The following NCKAP5L variants were observed in gnomAD, a reference collection of about 807,000 sequenced individuals.
The protein encoded by NCKAP5L is nck-associated protein 5-like.
Under a neutral mutation model 103.2 loss-of-function variants are expected in NCKAP5L, and 54 were observed. The ratio of observed to expected loss-of-function variants is 0.52; its 90% CI spans 0.42 to 0.66. NCKAP5L has a LOEUF of 0.66. Ranked by LOEUF, NCKAP5L falls within the 30% of genes least tolerant of loss-of-function variation. The pLI, the probability that NCKAP5L is intolerant of heterozygous loss-of-function variation, is 0.00. For missense variants in NCKAP5L, 1,733 were observed against 1,750.6 expected (o/e 0.99, Z 0.18); for synonymous variants, 762 against 748.6 (o/e 1.02, Z -0.29).
chr12:49,791,532 A>T lies in NCKAP5L; in HGVS notation c.*307T>A. Reference sequence around the variant, plus strand: ...GAAGCCCAGCACCACAAGATGGCTCAGCCTGAAGTAGGGACTGGAGGGCTG... The same window carrying T: ...GAAGCCCAGCACCACAAGATGGCTCTGCCTGAAGTAGGGACTGGAGGGCTG... On this transcript the variant is annotated 3_prime_UTR_variant, in exon 13 of 13. Transcript: ENST00000335999. 1 of 256,976 alleles carries T rather than the reference A, an allele frequency of 3.9e-6. No individual in the cohort carries two copies. Among genetic ancestry groups the T allele is most frequent in the Non-Finnish European group, 7.4e-6 (1 of 135,808 alleles). 15.9% of individuals were successfully genotyped at this position (256,976 alleles called of 1,614,324 possible).
intron 6 of NCKAP5L, among the ~76,000 whole-genome samples, chr12:49,799,990 G>T (rs2137008168): frequency 6.6e-6 from 1 of 152,318 alleles, no homozygotes; most frequent in South Asian, 2.1e-4. Context: ...GATGTCAGGA[G>T]TTCGAGACCA....
Position 49,797,314 on chromosome 12 carries a change from C to T in NCKAP5L, c.546G>A (p.Pro182=), listed in dbSNP as rs764740435. 6 of 1,612,986 alleles carry T rather than the reference C, an allele frequency of 3.7e-6. No homozygotes were observed. The Admixed American group carries it at 5.0e-5, about 13-fold the overall frequency. Residue 182 remains proline, a synonymous_variant, in exon 8 of 13, where the codon CCG becomes CCA. Coordinates refer to ENST00000335999, the MANE Select transcript of NCKAP5L (RefSeq NM_001037806.4). This position sits in a 1 kb window ranked among gnomAD's most constrained non-coding sequence, Gnocchi z 4.5. The part of the protein sequence containing the change: ...APPPALDALS[P]FLRKKAQILE... ...GAATCTGGGCCTTCTTCCGAAGGAA[C>T]GGGGATAGGGCATCCAGCGCTGGGG...
chr12:49,803,969 C>A lies in NCKAP5L; in HGVS notation c.76G>T (p.Glu26Ter). Residue 26 changes from glutamate (E) to a stop codon, truncating the protein, a stop_gained, in exon 3 of 13, where the codon GAG becomes TAG. Coordinates refer to ENST00000335999, the MANE Select transcript of NCKAP5L (RefSeq NM_001037806.4). LOFTEE classifies it high-confidence loss of function. ...AGAAGCTCCTGGCAGGTGCCTGGCT[C>A]CATGCTGCCATCATCACCCTCTCCT... ...RPGEGDDGSM[E>*]PGTCQELLHR... 1 of 1,612,004 alleles carries A rather than the reference C, an allele frequency of 6.2e-7. No homozygotes were observed. Among genetic ancestry groups the A allele is most frequent in the Non-Finnish European group, 8.5e-7 (1 of 1,179,984 alleles).
intron 1 of NCKAP5L, among the ~76,000 whole-genome samples, chr12:49,826,930 T>C (rs572928400): frequency 3.2e-4 from 49 of 152,220 alleles, no homozygotes; most frequent in African/African-American, 1.1e-3. Flanking sequence ...GCACAGACCA[T>C]AGACTTTGAA....
intron 8 of NCKAP5L, among the ~76,000 whole-genome samples, 152 bp from the exon 9 acceptor site, chr12:49,794,048 C>T (rs1251705893): frequency 1.3e-5 from 2 of 152,198 alleles, no homozygotes; most frequent in Non-Finnish European, 1.5e-5. Context: ...CTCCCAACAC[C>T]CTTCTTGACA....
intron 3 of NCKAP5L, 108 bp from the exon 4 acceptor site, chr12:49,803,273 A>C: frequency 9.9e-7 from 1 of 1,007,564 alleles, no homozygotes; most frequent in Non-Finnish European, 1.5e-6. Context: ...GGTGCTAACT[A>C]TACCCCCACT....
In NCKAP5L at chr12:49,795,828, C is replaced by A; in HGVS notation, c.2032G>T (p.Ala678Ser). The change falls in exon 8 of 13, where the codon GCC (alanine) becomes TCC (serine). Residue 678 changes from alanine (A) to serine (S), a missense_variant. Physicochemically the swap from Ala to Ser is moderately conservative, Grantham distance 99. Coordinates refer to ENST00000335999, the MANE Select transcript of NCKAP5L (RefSeq NM_001037806.4). Reference sequence around the variant, plus strand: ...ACCCCATTCTTCTCTGAGCCCAGGGCCCCCTCGGGGCCTGTCTTCAGCTTC... The same window carrying A: ...ACCCCATTCTTCTCTGAGCCCAGGGACCCCTCGGGGCCTGTCTTCAGCTTC... ...LGKLKTGPEGALGSEKNGVPA... is the reference protein window; with the variant it reads ...LGKLKTGPEGSLGSEKNGVPA... 1.9e-6 allele frequency: 3 copies of A among 1,567,006 alleles called. No homozygotes were observed. In the South Asian group the frequency reaches 3.5e-5, roughly 18 times the overall value.
chr12:49,827,589 C>G (rs1030400945), intron 1 of NCKAP5L, among the ~76,000 whole-genome samples: 1 of 152,222 alleles, frequency 6.6e-6, no homozygotes, highest in Non-Finnish European at 1.5e-5. Flanking sequence ...CAGATGAATT[C>G]TCTGCATTCT....
Position 49,795,067 on chromosome 12 carries a change from C to T in NCKAP5L, c.2793G>A (p.Leu931=), listed in dbSNP as rs768727317. The T allele has an allele frequency of 6.2e-7, 1 of 1,611,504 alleles. No homozygotes were observed. The highest frequency in any genetic ancestry group is 1.7e-5 in the Admixed American group (1 of 59,734). The change falls in exon 8 of 13, where the codon CTG becomes CTA. Residue 931 remains leucine (L), a synonymous_variant. Coordinates refer to ENST00000335999, the MANE Select transcript of NCKAP5L (RefSeq NM_001037806.4). ...FGLKKSKLPA[L]NRRTEATKNK... The stretch of plus-strand genomic sequence containing the variant: ...TCTTGGTGGCCTCTGTGCGGCGGTT[C>T]AGCGCTGGCAGCTTGCTCTTCTTAA...
In NCKAP5L at chr12:49,797,120, C is replaced by A. The variant is rs113640486; in HGVS notation, c.740G>T (p.Gly247Val). 1 of 1,599,632 alleles carries A rather than the reference C, an allele frequency of 6.3e-7. No individual in the cohort carries two copies. Among genetic ancestry groups the A allele is most frequent in the Non-Finnish European group, 8.5e-7 (1 of 1,173,470 alleles). Residue 247 changes from glycine to valine, a missense_variant, in exon 8 of 13, where the codon GGC (glycine) becomes GTC (valine). Transcript: ENST00000335999. This position sits in a 1 kb window ranked among gnomAD's most constrained non-coding sequence, Gnocchi z 4.5. ...CAGCAGGCCTCCCAGGTTGCCAGGG[C>A]CTAGCAGCAGGCAGGGCGCCCAGGG... The part of the protein sequence containing the change: ...PSPWAPCLLL[G>V]PGNLGGLLHW...
chr12:49,798,334 T>C lies in NCKAP5L; in HGVS notation c.465+16A>G. On this transcript the variant is annotated intron_variant, in intron 7 of 12. Coordinates refer to ENST00000335999, the MANE Select transcript of NCKAP5L (RefSeq NM_001037806.4). The stretch of plus-strand genomic sequence containing the variant: ...AACATCAGTGGAGTACTGACCACAA[T>C]ACCTAGCCCTCCTACCTCTCTCTGC... The C allele has an allele frequency of 6.5e-7, 1 of 1,543,352 alleles. No individual in the cohort carries two copies. The highest frequency in any genetic ancestry group is 2.4e-5 in the East Asian group (1 of 41,040).
Position 49,796,591 on chromosome 12 carries a change from G to A in NCKAP5L, c.1269C>T (p.His423=). Residue 423 remains histidine, a synonymous_variant, in exon 8 of 13, where the codon CAC becomes CAT. Coordinates refer to ENST00000335999, the MANE Select transcript of NCKAP5L (RefSeq NM_001037806.4). Reference sequence around the variant, plus strand: ...TTTTCACCTGAGATGAGGAATGGGGGTGGCCAGGCCGAGAGCCCAGTGGGG... The same window carrying A: ...TTTTCACCTGAGATGAGGAATGGGGATGGCCAGGCCGAGAGCCCAGTGGGG... The part of the protein sequence containing the change: ...GDAPLGSRPG[H]PHSSSQVKSK... 6.2e-7 allele frequency: 1 copy of A among 1,602,692 alleles called. No individual in the cohort carries two copies. Among genetic ancestry groups the A allele is most frequent in the South Asian group, 1.1e-5 (1 of 89,756 alleles).
rs775006051 is a variant in NCKAP5L, at chr12:49,796,427, G to A, written c.1433C>T (p.Pro478Leu). The A allele has an allele frequency of 2.6e-6, 4 of 1,557,648 alleles. No homozygotes were observed. In the African/African-American group the frequency reaches 5.5e-5, roughly 21 times the overall value. The change falls in exon 8 of 13, where the codon CCC (proline) becomes CTC (leucine). Residue 478 changes from proline to leucine, a missense_variant. Coordinates refer to ENST00000335999, the MANE Select transcript of NCKAP5L (RefSeq NM_001037806.4). ...SPSPGGPQLSPQLPRNSRIPC... is the reference protein window; with the variant it reads ...SPSPGGPQLSLQLPRNSRIPC... ...GATTCGCGAGTTCCGGGGGAGCTGG[G>A]GACTGAGCTGCGGGCCTCCTGGGCT... is the stretch of plus-strand genomic sequence containing the variant.
chr12:49,825,916 C>A (rs1946411572), intron 1 of NCKAP5L, among the ~76,000 whole-genome samples: 1 of 152,196 alleles, frequency 6.6e-6, no homozygotes, highest in African/African-American at 2.4e-5. Context: ...AGACCTCTGG[C>A]TCTTGGGCTG....
Position 49,791,855 on chromosome 12 carries a change from C to A in NCKAP5L, c.3989G>T (p.Cys1330Phe). ...SDSLYDSLSS[C>F]GSQG is the part of the protein sequence containing the mutation. Reference sequence around the variant, plus strand: ...CGCAGCCCCTCAGCCCTGACTCCCACAAGAGGACAGCGAGTCGTAGAGTGA... The same window carrying A: ...CGCAGCCCCTCAGCCCTGACTCCCAAAAGAGGACAGCGAGTCGTAGAGTGA... Residue 1330 changes from cysteine to phenylalanine, a missense_variant, in exon 13 of 13, where the codon TGT becomes TTT. Transcript: ENST00000335999. 1 of 1,607,766 alleles carries A rather than the reference C, an allele frequency of 6.2e-7. No homozygotes were observed. Among genetic ancestry groups the A allele is most frequent in the Non-Finnish European group, 8.5e-7 (1 of 1,176,772 alleles).
At chr12:49,806,167 C>T (rs1016230384) in intron 1 of NCKAP5L, 126 bp from the exon 2 acceptor site, 27 of 152,188 alleles carry the variant, frequency 1.8e-4, no homozygotes, top group Non-Finnish European at 3.5e-4. Context: ...CTCTATTGGA[C>T]GAGGCCGACA....
rs148289360 is a variant in NCKAP5L at position 49,819,548 on chromosome 12, C to T, written c.-99+8774G>A. On this transcript the variant is annotated intron_variant, in intron 1 of 12. Transcript: ENST00000335999. ...TAACAACGTGGATGAATCTGGAGAA[C>T]ATTATGTTACGTGAAATAAGCCAGG... Among the ~76,000 whole-genome samples the T allele has an allele frequency of 4.6e-5, 7 of 152,236 alleles. 1 individual carries two copies. Among genetic ancestry groups the T allele is most frequent in the African/African-American group, 1.7e-4 (7 of 41,516 alleles).
At chr12:49,802,884 C>T (rs1946135497) in intron 5 of NCKAP5L, 74 bp downstream of exon 5, 2 of 1,512,792 alleles carry the variant, frequency 1.3e-6, no homozygotes, top group Admixed American at 2.0e-5. Flanking sequence ...CCATGTCCTC[C>T]AAGCCCTTAG....
chr12:49,803,888 G>A (rs1946149713), intron 3 of NCKAP5L, 34 bp downstream of exon 3: 2 of 1,595,960 alleles, frequency 1.3e-6, no homozygotes, highest in African/African-American at 1.3e-5. Flanking sequence ...GGCTCTGGCT[G>A]GCACTGCTGC....
Sources: allele counts gnomAD v4.1 joint callset (sites outside exome capture counted in the v4.1 genomes callset), GRCh38; gene constraint gnomAD v4.1.1; non-coding constraint Gnocchi (gnomAD v3.1); transcripts MANE v1.5; gene names NCBI Gene and HGNC (gene_info 2026-07-23, HGNC 2026-07-21).